GRID1: variants seen among roughly 807,000 people sequenced by gnomAD.
GRID1 encodes glutamate ionotropic receptor delta type subunit 1, also known as glutamate receptor ionotropic, delta-1.
GRID1 carries 28 observed loss-of-function variants against 98.0 expected under a neutral mutation model. That is an observed-to-expected ratio of 0.29 (90% CI 0.21 to 0.39). The LOEUF is 0.39. Ranked by LOEUF, GRID1 falls within the 10% of genes least tolerant of loss-of-function variation. GRID1 has a pLI of 1.00. For synonymous variants in GRID1, 553 were observed against 538.5 expected, an observed-to-expected ratio of 1.03 and a Z score of -0.37; for missense variants, 1,111 against 1,340.5, an observed-to-expected ratio of 0.83 and a Z score of 2.67.
intron 4 of GRID1, among the ~76,000 whole-genome samples, chr10:85,999,164 A>G (rs942609663): frequency 4.6e-5 from 7 of 150,692 alleles, no homozygotes; most frequent in African/African-American, 1.7e-4. Context: ...GTGAGCCAAG[A>G]TTGTGCCACT....
chr10:85,654,295 A>C (rs1007347963), intron 12 of GRID1, among the ~76,000 whole-genome samples: 1 of 152,228 alleles, frequency 6.6e-6, no homozygotes, highest in Non-Finnish European at 1.5e-5. Flanking sequence ...TAAAAACTCA[A>C]AGCATTTGTA....
At chr10:86,190,846 G>A (rs1845791822) in intron 3 of GRID1, among the ~76,000 whole-genome samples, 1 of 152,230 alleles carries the variant, frequency 6.6e-6, no homozygotes, top group African/African-American at 2.4e-5. Flanking sequence ...GTGTTCACAT[G>A]CATGTGTCTA....
intron 4 of GRID1, among the ~76,000 whole-genome samples, chr10:86,050,635 G>A (rs1843488295): frequency 6.6e-6 from 1 of 152,074 alleles, no homozygotes; most frequent in Non-Finnish European, 1.5e-5. Context: ...AGCTGACCTT[G>A]ACTGCATAAA....
At chr10:85,613,736 C>T (rs1842759487) in intron 14 of GRID1, 89 bp from the exon 15 acceptor site, 1 of 1,468,686 alleles carries the variant, frequency 6.8e-7, no homozygotes, top group East Asian at 2.3e-5. Flanking sequence ...ATGCTGGCCC[C>T]ACCACAGACA....
At chr10:86,344,731 C>G (rs769026790) in intron 2 of GRID1, among the ~76,000 whole-genome samples, 5 of 152,234 alleles carry the variant, frequency 3.3e-5, no homozygotes, top group Non-Finnish European at 5.9e-5. Flanking sequence ...CTCTAGACAA[C>G]TCTTGTGGCC....
At chr10:85,835,949 A>G (rs919449984) in intron 8 of GRID1, among the ~76,000 whole-genome samples, 32 of 152,198 alleles carry the variant, frequency 2.1e-4, no homozygotes, top group African/African-American at 5.8e-4. Context: ...ATCAAATAGT[A>G]AATTTCAAAG....
At chr10:86,006,614 C>T (rs1842863760) in intron 4 of GRID1, among the ~76,000 whole-genome samples, 1 of 149,182 alleles carries the variant, frequency 6.7e-6, no homozygotes, top group Non-Finnish European at 1.5e-5. Context: ...GAGACGCCGT[C>T]TAAAAAAAAA....
At chr10:85,937,849 C>G (rs76088982) in intron 4 of GRID1, among the ~76,000 whole-genome samples, 1 of 152,122 alleles carries the variant, frequency 6.6e-6, no homozygotes, top group Non-Finnish European at 1.5e-5. Context: ...AAGTGCCCAG[C>G]CCAGAATTCC....
At chr10:86,205,310 G>A (rs1224762018) in intron 3 of GRID1, among the ~76,000 whole-genome samples, 1 of 152,210 alleles carries the variant, frequency 6.6e-6, no homozygotes, top group East Asian at 1.9e-4. Flanking sequence ...CCGTGGGGCT[G>A]CCAACCCTCA....
chr10:86,305,689 G>A (rs1189133488), intron 2 of GRID1, among the ~76,000 whole-genome samples: 2 of 152,172 alleles, frequency 1.3e-5, no homozygotes, highest in African/African-American at 2.4e-5. Flanking sequence ...CAGGAACTGG[G>A]GATTCCAATA....
At chr10:85,666,436 G>A (rs1301592075) in intron 12 of GRID1, among the ~76,000 whole-genome samples, 2 of 152,146 alleles carry the variant, frequency 1.3e-5, no homozygotes, top group Non-Finnish European at 2.9e-5. Context: ...ATTTCTTGCT[G>A]CCATCCCTCC....
At chr10:85,944,831 T>C (rs1041453777) in intron 4 of GRID1, among the ~76,000 whole-genome samples, 1 of 151,792 alleles carries the variant, frequency 6.6e-6, no homozygotes, top group African/African-American at 2.4e-5. Context: ...GTTTTTTTTT[T>C]AAGTAAGTTA....
chr10:85,807,217 G>A (rs1294745165), intron 8 of GRID1, among the ~76,000 whole-genome samples: 1 of 151,982 alleles, frequency 6.6e-6, no homozygotes, highest in Non-Finnish European at 1.5e-5. Context: ...AGGTGTGGTG[G>A]CGCGCACCTG....
intron 8 of GRID1, among the ~76,000 whole-genome samples, chr10:85,769,046 T>C (rs761974413): frequency 6.6e-6 from 1 of 152,206 alleles, no homozygotes; most frequent in East Asian, 1.9e-4. Flanking sequence ...AAGGAAAGTA[T>C]TGTACTTGTA....
intron 6 of GRID1, among the ~76,000 whole-genome samples, chr10:85,861,210 T>C (rs1843161119): frequency 6.6e-6 from 1 of 152,190 alleles, no homozygotes; most frequent in African/African-American, 2.4e-5. Flanking sequence ...CTTGGGTCCC[T>C]AAAGCCTTCC....
chr10:86,067,758 G>T (rs1269243489), intron 4 of GRID1, among the ~76,000 whole-genome samples: 3 of 152,150 alleles, frequency 2.0e-5, no homozygotes, highest in Non-Finnish European at 4.4e-5. Flanking sequence ...AGCACTATGG[G>T]GCACAAAACT....
intron 4 of GRID1, among the ~76,000 whole-genome samples, chr10:85,950,218 A>G (rs1443437341): frequency 2.0e-5 from 3 of 152,248 alleles, no homozygotes; most frequent in Non-Finnish European, 2.9e-5. Flanking sequence ...CTGAAGAGCC[A>G]TTAAGCCCAG....
At chr10:86,010,191 T>C (rs7077172) in intron 4 of GRID1, among the ~76,000 whole-genome samples, 140 of 152,364 alleles carry the variant, frequency 9.2e-4, no homozygotes, top group African/African-American at 2.9e-3. Flanking sequence ...TATATACTCC[T>C]ATTTTGGCAC....
chr10:86,147,218 T>C (rs1157458632), intron 3 of GRID1, among the ~76,000 whole-genome samples: 1 of 152,186 alleles, frequency 6.6e-6, no homozygotes, highest in East Asian at 1.9e-4. Flanking sequence ...ATGGCAGGCC[T>C]GGCCCTGAGG....
Sources: allele counts gnomAD v4.1 joint callset (sites outside exome capture counted in the v4.1 genomes callset), GRCh38; gene constraint gnomAD v4.1.1; transcripts MANE v1.5; gene names NCBI Gene and HGNC (gene_info 2026-07-23, HGNC 2026-07-21).